The following UBE2E2 variants were observed in gnomAD, a reference collection of about 807,000 sequenced individuals.
The protein encoded by UBE2E2 is ubiquitin conjugating enzyme E2 E2, also known as ubiquitin-conjugating enzyme E2 E2.
A neutral mutation model predicts 24.7 loss-of-function variants in UBE2E2; 6 were observed. The observed-to-expected ratio is 0.24, with a 90% CI of 0.13 to 0.48. UBE2E2 has a LOEUF of 0.48. Ranked by LOEUF, UBE2E2 falls within the 20% of genes least tolerant of loss-of-function variation. The pLI, the probability that UBE2E2 is intolerant of heterozygous loss-of-function variation, is 0.99. For synonymous variants in UBE2E2, 104 were observed against 83.6 expected, an observed-to-expected ratio of 1.24 and a Z score of -1.33; for missense variants, 169 against 245.0, an observed-to-expected ratio of 0.69 and a Z score of 2.07.
chr3:23,511,643 C>T (rs949764273), intron 4 of UBE2E2, among the ~76,000 whole-genome samples: 9 of 152,104 alleles, frequency 5.9e-5, no homozygotes, highest in Non-Finnish European at 1.2e-4. Context: ...TATGAATTTC[C>T]AGAATGGGTT....
intron 3 of UBE2E2, among the ~76,000 whole-genome samples, chr3:23,234,013 TTTTTTTCCTTCTTCAAATTATG>T (rs1252821158): frequency 1.3e-5 from 2 of 152,086 alleles, no homozygotes; most frequent in Non-Finnish European, 2.9e-5. Context: ...CTAAATTGAT[TTTTTTTCCTTCTTCAAATTATG>T]TATTGGCCAG....
intron 3 of UBE2E2, among the ~76,000 whole-genome samples, chr3:23,430,445 T>G (rs1698033163): frequency 6.6e-6 from 1 of 151,992 alleles, no homozygotes; most frequent in South Asian, 2.1e-4. Flanking sequence ...TCCATTAAAG[T>G]TTTTAGAACA....
At chr3:23,538,061 A>G (rs796757998) in intron 5 of UBE2E2, among the ~76,000 whole-genome samples, 2 of 152,172 alleles carry the variant, frequency 1.3e-5, no homozygotes, top group African/African-American at 4.8e-5. Flanking sequence ...AAATTCAGGT[A>G]AAATGGTAAG....
rs1343567043 is a variant in UBE2E2, at chr3:23,405,439, A to C, written c.228-94169A>C. Among the ~76,000 whole-genome samples the C allele has an allele frequency of 3.9e-5, 6 of 152,204 alleles. No individual in the cohort carries two copies. The South Asian group carries it at 6.2e-4, about 16-fold the overall frequency. ...TTCTGACACACAGAAGTACTTTCTCAACCATGGCACACTGTCTATTATTTT... is the reference window on the plus strand; with the variant it reads ...TTCTGACACACAGAAGTACTTTCTCCACCATGGCACACTGTCTATTATTTT... On this transcript the variant is annotated intron_variant, in intron 3 of 5. Transcript: ENST00000396703.
intron 3 of UBE2E2, among the ~76,000 whole-genome samples, chr3:23,398,256 T>G (rs1352261486): frequency 7.2e-6 from 1 of 139,776 alleles, no homozygotes; most frequent in Non-Finnish European, 1.5e-5. Flanking sequence ...GAGGTTTCAG[T>G]GAGCTGAGAT....
intron 5 of UBE2E2, among the ~76,000 whole-genome samples, chr3:23,563,945 G>A (rs1255068538): frequency 5.3e-5 from 8 of 150,602 alleles, no homozygotes; most frequent in Non-Finnish European, 1.2e-4. Context: ...TAGAGGTCTA[G>A]AGGGTTGATT....
chr3:23,589,812 C>T lies in UBE2E2; in HGVS notation c.587C>T (p.Thr196Ile). 1 of 1,614,198 alleles carries T rather than the reference C, an allele frequency of 6.2e-7. No homozygotes were observed. The highest frequency in any genetic ancestry group is 8.5e-7 in the Non-Finnish European group (1 of 1,180,012). ...CATGACCGGATGGCCAGACAGTGGA[C>T]CAAGCGGTACGCCACATAGGGGCCT... Reference protein sequence around the residue: ...AEHDRMARQWTKRYAT With the variant: ...AEHDRMARQWIKRYAT Residue 196 changes from threonine (T) to isoleucine (I), a missense_variant, in exon 6 of 6, where the codon ACC (threonine) becomes ATC (isoleucine). Thr to Ile is a moderately conservative substitution (Grantham distance 89). Coordinates refer to ENST00000396703, the MANE Select transcript of UBE2E2 (RefSeq NM_152653.4). This position sits in a 1 kb window ranked among gnomAD's most constrained non-coding sequence, Gnocchi z 4.1.
At chr3:23,304,771 T>G (rs940913736) in intron 3 of UBE2E2, among the ~76,000 whole-genome samples, 1 of 152,224 alleles carries the variant, frequency 6.6e-6, no homozygotes, top group Non-Finnish European at 1.5e-5. Flanking sequence ...GAACTTTTCA[T>G]TGTTTTCATT....
intron 3 of UBE2E2, among the ~76,000 whole-genome samples, chr3:23,439,077 A>G (rs190682796): frequency 9.2e-5 from 14 of 152,356 alleles, no homozygotes; most frequent in Admixed American, 9.1e-4. Context: ...GTAGAATGCA[A>G]AATTTGGAAC....
chr3:23,221,306 T>C (rs1031018061), intron 3 of UBE2E2, among the ~76,000 whole-genome samples: 1 of 152,246 alleles, frequency 6.6e-6, no homozygotes, highest in Admixed American at 6.5e-5. Flanking sequence ...ATAACAGCTT[T>C]ATTGAGATAT....
intron 5 of UBE2E2, among the ~76,000 whole-genome samples, chr3:23,560,988 A>G (rs1344736760): frequency 6.6e-6 from 1 of 152,150 alleles, no homozygotes; most frequent in East Asian, 1.9e-4. Context: ...AGATGGGTAG[A>G]TTACAAAAAT....
At chr3:23,536,306 G>T (rs986243960) in intron 5 of UBE2E2, among the ~76,000 whole-genome samples, 2 of 152,158 alleles carry the variant, frequency 1.3e-5, no homozygotes. Context: ...ACAATTAGAA[G>T]ATCAACAGTT....
At chr3:23,417,178 C>G (rs1395235529) in intron 3 of UBE2E2, among the ~76,000 whole-genome samples, 1 of 152,180 alleles carries the variant, frequency 6.6e-6, no homozygotes, top group Non-Finnish European at 1.5e-5. Flanking sequence ...TTTTCCTCAT[C>G]TTCGTGGATT....
chr3:23,325,922 T>G (rs1394272783), intron 3 of UBE2E2, among the ~76,000 whole-genome samples: 5 of 152,222 alleles, frequency 3.3e-5, no homozygotes, highest in Admixed American at 3.3e-4. Flanking sequence ...CTGTGAGTAA[T>G]GAGGGGAAAG....
intron 3 of UBE2E2, among the ~76,000 whole-genome samples, chr3:23,390,827 G>T (rs1014249853): frequency 1.3e-5 from 2 of 152,108 alleles, no homozygotes; most frequent in African/African-American, 2.4e-5. Flanking sequence ...CTCCCATCTT[G>T]TTATCTTGTT....
intron 3 of UBE2E2, among the ~76,000 whole-genome samples, chr3:23,466,167 C>G (rs2125429569): frequency 6.6e-6 from 1 of 152,182 alleles, no homozygotes; most frequent in South Asian, 2.1e-4. Flanking sequence ...AAGTATACAG[C>G]CAGCACACCA....
At chr3:23,507,427 C>T (rs1414461618) in intron 4 of UBE2E2, among the ~76,000 whole-genome samples, 1 of 152,214 alleles carries the variant, frequency 6.6e-6, no homozygotes, top group South Asian at 2.1e-4. Context: ...TTTGATGTCA[C>T]TCCTTTAATC....
At chr3:23,227,746 A>T (rs1696865601) in intron 3 of UBE2E2, among the ~76,000 whole-genome samples, 1 of 152,166 alleles carries the variant, frequency 6.6e-6, no homozygotes, top group East Asian at 1.9e-4. Flanking sequence ...TGCAGGTGGG[A>T]TAGCTGCAGA....
intron 3 of UBE2E2, among the ~76,000 whole-genome samples, chr3:23,433,026 A>T (rs1698101518): frequency 6.6e-6 from 1 of 152,000 alleles, no homozygotes; most frequent in Admixed American, 6.6e-5. Context: ...TTAACTTATG[A>T]TGCCTTTAAT....
Sources: allele counts gnomAD v4.1 joint callset (sites outside exome capture counted in the v4.1 genomes callset), GRCh38; gene constraint gnomAD v4.1.1; non-coding constraint Gnocchi (gnomAD v3.1); transcripts MANE v1.5; gene names NCBI Gene and HGNC (gene_info 2026-07-23, HGNC 2026-07-21).